The following ARFGEF2 variants were observed in gnomAD, a reference collection of about 807,000 sequenced individuals.
The protein encoded by ARFGEF2 is ARF guanine nucleotide exchange factor 2.
In ARFGEF2, 74 loss-of-function variants were observed where a neutral mutation model predicts 219.9. The ratio of observed to expected loss-of-function variants is 0.34; its 90% confidence interval spans 0.28 to 0.41. The LOEUF (loss-of-function observed/expected upper bound fraction) is 0.41, where lower values mean the gene tolerates loss of function less well. Among genes scored for constraint, ARFGEF2 ranks in the 10% least tolerant of loss-of-function variants. The pLI is 1.00. For synonymous variants in ARFGEF2, 733 were observed against 799.2 expected, an observed-to-expected ratio of 0.92 and a Z score of 1.40; for missense variants, 1,743 against 2,218.3, an observed-to-expected ratio of 0.79 and a Z score of 4.30.
At chr20:48,974,924 C>CGACT (rs1568715624) in intron 13 of ARFGEF2, 50 bp downstream of exon 13, 1 of 1,444,776 alleles carries the variant, frequency 6.9e-7, no homozygotes, top group Non-Finnish European at 9.7e-7. Context: ...TAGGCTCCTA[C>CGACT]GACTGCTAGG....
intron 6 of ARFGEF2, among the ~76,000 whole-genome samples, chr20:48,959,889 C>T (rs1464871527): frequency 2.6e-5 from 4 of 152,032 alleles, no homozygotes; most frequent in Admixed American, 1.3e-4. Context: ...GCATGAGCCA[C>T]CATGCCCCAC....
chr20:48,969,128 T>C lies in ARFGEF2; in HGVS notation c.1060-19T>C. 6.2e-7 allele frequency: 1 copy of C among 1,613,522 alleles called. No homozygotes were observed. Among genetic ancestry groups the C allele is most frequent in the South Asian group, 1.1e-5 (1 of 91,008 alleles). On this transcript the variant is annotated intron_variant, in intron 8 of 38. Transcript: ENST00000371917. ...GGTGGGTGCCACCACACCCAGCTGA[T>C]GTTTGTTTCTGATCCTAGGAATCGG...
At chr20:48,981,390 C>G (rs2091294859) in intron 14 of ARFGEF2, among the ~76,000 whole-genome samples, 1 of 152,168 alleles carries the variant, frequency 6.6e-6, no homozygotes, top group African/African-American at 2.4e-5. Context: ...GTAACCCGAC[C>G]TTTCTCTCTG....
intron 16 of ARFGEF2, 39 bp from the exon 17 acceptor site, chr20:48,988,265 A>G: frequency 1.3e-6 from 2 of 1,481,942 alleles, no homozygotes; most frequent in Non-Finnish European, 1.9e-6. Flanking sequence ...TCCAAACCGC[A>G]TCACCATGAA....
At chr20:48,944,551 C>T (rs955157042) in intron 3 of ARFGEF2, among the ~76,000 whole-genome samples, 1 of 152,138 alleles carries the variant, frequency 6.6e-6, no homozygotes, top group African/African-American at 2.4e-5. Flanking sequence ...AGTGATTCTC[C>T]CCGGGCTCAA....
rs886056774 is a variant in ARFGEF2 at position 49,036,685 on chromosome 20, T to A, written c.*3486T>A. The A allele has an allele frequency of 6.5e-6, 1 of 153,106 alleles. No homozygotes were observed. Among genetic ancestry groups the A allele is most frequent in the Admixed American group, 6.5e-5 (1 of 15,298 alleles). 9.5% of individuals were successfully genotyped at this position (153,106 alleles called of 1,614,324 possible). On this transcript the variant is annotated 3_prime_UTR_variant, in exon 39 of 39. Transcript: ENST00000371917. ...ATCAGGTGGTACATCAATAAAATTTTAAAAAGTATAGCTGTTTCTAATGTG... is the reference window on the plus strand; with the variant it reads ...ATCAGGTGGTACATCAATAAAATTTAAAAAAGTATAGCTGTTTCTAATGTG...
intron 18 of ARFGEF2, 93 bp from the exon 19 acceptor site, chr20:48,989,192 G>A: frequency 1.5e-6 from 2 of 1,368,050 alleles, no homozygotes; most frequent in South Asian, 1.2e-5. Flanking sequence ...GAGGATTTAG[G>A]AGTTAATCAT....
At chr20:48,995,189 A>G (rs2079238250) in intron 22 of ARFGEF2, among the ~76,000 whole-genome samples, 1 of 152,206 alleles carries the variant, frequency 6.6e-6, no homozygotes, top group Middle Eastern at 3.2e-3. Flanking sequence ...TGCAATTGAG[A>G]AAACTGAGGC....
rs974107308 is a variant in ARFGEF2, at chr20:48,984,714, C to A, written c.1959-15C>A. On this transcript the variant is annotated splice_polypyrimidine_tract_variant and intron_variant, in intron 14 of 38. Coordinates refer to ENST00000371917, the MANE Select transcript of ARFGEF2 (RefSeq NM_006420.3). ...TTGAAATAAGCAACTTGTGTCCCAT[C>A]TCTGCTTGAAACAGGTTCAACAAGA... 4 of 1,613,958 alleles carry A rather than the reference C, an allele frequency of 2.5e-6. No homozygotes were observed. The highest frequency in any genetic ancestry group is 1.1e-5 in the South Asian group (1 of 91,088).
intron 1 of ARFGEF2, 50 bp downstream of exon 1, chr20:48,922,060 C>T: frequency 1.9e-6 from 3 of 1,549,968 alleles, no homozygotes; most frequent in Non-Finnish European, 2.6e-6. Flanking sequence ...GCACGTCGGC[C>T]GTTGCCCTAT....
At chr20:48,950,971 C>T (rs948356770) in intron 3 of ARFGEF2, among the ~76,000 whole-genome samples, 8 of 151,472 alleles carry the variant, frequency 5.3e-5, no homozygotes, top group Non-Finnish European at 1.2e-4. Context: ...CATTGACGAT[C>T]ACTCCCTATG....
At chr20:48,949,841 T>G (rs1251809582) in intron 3 of ARFGEF2, among the ~76,000 whole-genome samples, 1 of 152,138 alleles carries the variant, frequency 6.6e-6, no homozygotes, top group Non-Finnish European at 1.5e-5. Flanking sequence ...ACAGCAGTTT[T>G]AGGAGTCTTC....
chr20:48,995,731 TA>T, intron 22 of ARFGEF2, 51 bp from the exon 23 acceptor site: 1 of 1,500,912 alleles, frequency 6.7e-7, no homozygotes, highest in Non-Finnish European at 9.3e-7. Flanking sequence ...TGCTTTGTTC[TA>T]AATACTTGAC....
chr20:48,932,242 G>A (rs1270791024), intron 1 of ARFGEF2, among the ~76,000 whole-genome samples: 2 of 152,194 alleles, frequency 1.3e-5, no homozygotes, highest in African/African-American at 2.4e-5. Context: ...ACAGCAAGCT[G>A]AGGGAGTCTC....
chr20:48,972,217 A>C, intron 10 of ARFGEF2, 109 bp from the exon 11 acceptor site: 1 of 764,388 alleles, frequency 1.3e-6, no homozygotes. Context: ...TCTTCTGCCC[A>C]GGGTGCTTTA....
At chr20:49,016,512 G>A (rs375661206) in intron 31 of ARFGEF2, 97 bp downstream of exon 31, 4 of 1,334,906 alleles carry the variant, frequency 3.0e-6, no homozygotes, top group East Asian at 2.3e-5. Flanking sequence ...GTGCCATGGA[G>A]TACAATATAT....
intron 10 of ARFGEF2, among the ~76,000 whole-genome samples, chr20:48,971,902 A>G (rs770771614): frequency 8.0e-5 from 12 of 150,342 alleles, no homozygotes; most frequent in Non-Finnish European, 1.6e-4. Context: ...CTCCATCTCA[A>G]AAAAAAAAAG....
chr20:48,945,555 T>C (rs1045329199), intron 3 of ARFGEF2, among the ~76,000 whole-genome samples: 2 of 152,166 alleles, frequency 1.3e-5, no homozygotes, highest in Non-Finnish European at 2.9e-5. Flanking sequence ...GGGGTATGGT[T>C]ATCTCTCTTT....
At chr20:48,953,455 C>T (rs569801440) in intron 5 of ARFGEF2, 101 bp from the exon 6 acceptor site, 35 of 1,080,438 alleles carry the variant, frequency 3.2e-5, no homozygotes, top group East Asian at 2.6e-4. Flanking sequence ...AAATTATAGG[C>T]GTTAACCACC....
Sources: allele counts gnomAD v4.1 joint callset (sites outside exome capture counted in the v4.1 genomes callset), GRCh38; gene constraint gnomAD v4.1.1; transcripts MANE v1.5; gene names NCBI Gene and HGNC (gene_info 2026-07-23, HGNC 2026-07-21).